Variants in ZMPSTE24 observed in about 807,000 individuals in gnomAD.
The protein encoded by ZMPSTE24 is CAAX prenyl protease 1 homolog.
In ZMPSTE24, 48 loss-of-function variants were observed where a neutral mutation model predicts 56.7. That is an observed-to-expected ratio of 0.85 (90% CI 0.67 to 1.08). The LOEUF (loss-of-function observed/expected upper bound fraction) is 1.08, where lower values mean the gene tolerates loss of function less well. ZMPSTE24 is among the 50% of genes least tolerant of loss of function. The pLI is 0.00. For synonymous variants in ZMPSTE24, 172 were observed against 195.2 expected, an observed-to-expected ratio of 0.88 and a Z score of 0.99; for missense variants, 503 against 548.7, an observed-to-expected ratio of 0.92 and a Z score of 0.83.
chr1:40,260,778 C>T, intron 1 of ZMPSTE24, 61 bp from the exon 2 acceptor site: 1 of 1,554,164 alleles, frequency 6.4e-7, no homozygotes, highest in Non-Finnish European at 8.8e-7. Context: ...GATGTTTGAT[C>T]ATAAATGACT....
At chr1:40,276,026 C>T (rs1402462382) in intron 6 of ZMPSTE24, among the ~76,000 whole-genome samples, 1 of 152,124 alleles carries the variant, frequency 6.6e-6, no homozygotes, top group Non-Finnish European at 1.5e-5. Context: ...TTGACTAAGC[C>T]AGGGCATGGG....
At chr1:40,289,221 T>C (rs373529562) in intron 8 of ZMPSTE24, among the ~76,000 whole-genome samples, 2 of 152,250 alleles carry the variant, frequency 1.3e-5, no homozygotes, top group African/African-American at 2.4e-5. Flanking sequence ...TCCACTCTTA[T>C]ATCTACCACT....
intron 2 of ZMPSTE24, 54 bp downstream of exon 2, chr1:40,261,039 A>G: frequency 6.2e-7 from 1 of 1,606,016 alleles, no homozygotes; most frequent in Non-Finnish European, 8.5e-7. Context: ...TCATTTTCAT[A>G]TTTTTGTAAC....
intron 6 of ZMPSTE24, among the ~76,000 whole-genome samples, chr1:40,274,584 G>C (rs1186662300): frequency 1.3e-5 from 2 of 152,190 alleles, no homozygotes; most frequent in African/African-American, 2.4e-5. Context: ...AGAGTGTTAG[G>C]AGATGAAATC....
intron 7 of ZMPSTE24, among the ~76,000 whole-genome samples, chr1:40,282,466 C>T (rs1309394748): frequency 6.6e-6 from 1 of 152,106 alleles, no homozygotes; most frequent in East Asian, 1.9e-4. Context: ...TGTTCACTCA[C>T]TGTCTGTGTA....
chr1:40,291,121 T>C (rs1369409085), intron 9 of ZMPSTE24, 124 bp downstream of exon 9: 16 of 1,300,004 alleles, frequency 1.2e-5, no homozygotes, highest in Non-Finnish European at 1.4e-5. Context: ...ACAAAGTCTT[T>C]TAGTCCCCTG....
chr1:40,262,849 G>T, intron 2 of ZMPSTE24: 3 of 1,145,454 alleles, frequency 2.6e-6, no homozygotes, highest in South Asian at 3.4e-5. Context: ...GAGAATTGTT[G>T]AACAACTTAA....
At chr1:40,272,176 C>T in intron 6 of ZMPSTE24, 141 bp downstream of exon 6, 6 of 988,246 alleles carry the variant, frequency 6.1e-6, no homozygotes, top group South Asian at 2.4e-5. Flanking sequence ...TAGGAGTTTA[C>T]CTTTTGGCTT....
At position 40,258,379 on chromosome 1, in the gene ZMPSTE24, C is replaced by T. The variant is rs777547225; in HGVS notation, c.108C>T (p.Phe36=). The T allele has an allele frequency of 1.2e-6, 2 of 1,614,086 alleles. No homozygotes were observed. The highest frequency in any genetic ancestry group is 1.7e-6 in the Non-Finnish European group (2 of 1,180,004). The change falls in exon 1 of 10, where the codon TTC becomes TTT. Residue 36 remains phenylalanine (F), a synonymous_variant. Transcript: ENST00000372759. ...GGACAGTGTATCTTTGGGAGACCTT[C>T]CTAGCACAGCGGCAGGTGAGCCTAG... ...FSWTVYLWET[F]LAQRQRRIYK...
At chr1:40,261,233 G>A (rs1643493788) in intron 2 of ZMPSTE24, among the ~76,000 whole-genome samples, 1 of 152,194 alleles carries the variant, frequency 6.6e-6, no homozygotes, top group Non-Finnish European at 1.5e-5. Flanking sequence ...GGATCCAGCT[G>A]AGATGTCATG....
chr1:40,266,485 T>C (rs1643549214), intron 2 of ZMPSTE24, among the ~76,000 whole-genome samples: 1 of 152,206 alleles, frequency 6.6e-6, no homozygotes, highest in African/African-American at 2.4e-5. Flanking sequence ...ATGTCTGTGT[T>C]CACTTTATCT....
At chr1:40,285,743 G>A (rs1643780720) in intron 7 of ZMPSTE24, among the ~76,000 whole-genome samples, 182 bp from the exon 8 acceptor site, 1 of 151,730 alleles carries the variant, frequency 6.6e-6, no homozygotes, top group Admixed American at 6.6e-5. Flanking sequence ...TCTATCTTCA[G>A]TGCTTAACCC....
In ZMPSTE24 at chr1:40,290,852, A is replaced by G. The variant is rs750636527; in HGVS notation, c.1060-2A>G. On this transcript the variant is annotated splice_acceptor_variant, in intron 8 of 9. Transcript: ENST00000372759. LOFTEE classifies it high-confidence loss of function. ...TTAGAAATTTCATGTCCTTCTTTCT[A>G]GATGAATTCTTTCCTGTGTTTTTTT... 1.2e-6 allele frequency: 2 copies of G among 1,613,802 alleles called. No individual in the cohort carries two copies. Among genetic ancestry groups the G allele is most frequent in the Non-Finnish European group, 1.7e-6 (2 of 1,179,818 alleles).
chr1:40,281,426 G>T lies in ZMPSTE24; in HGVS notation c.853G>T (p.Glu285Ter), dbSNP rs1254492995. The T allele has an allele frequency of 6.2e-7, 1 of 1,614,050 alleles. No homozygotes were observed. The highest frequency in any genetic ancestry group is 1.3e-5 in the African/African-American group (1 of 75,014). Residue 285 changes from glutamate (E) to a stop codon, truncating the protein, a stop_gained, in exon 7 of 10, where the codon GAA (glutamate) becomes TAA (stop). Coordinates refer to ENST00000372759, the MANE Select transcript of ZMPSTE24 (RefSeq NM_005857.5). LOFTEE classifies it high-confidence loss of function. ...KRIVLFDTLLEEYSVLNKDIQ... is the reference protein window; with the variant it reads ...KRIVLFDTLL ...AATAGTTTTGTTTGACACTCTACTA[G>T]AAGAGTACTCTGTACTAAACAAAGA... is the stretch of plus-strand genomic sequence containing the variant.
intron 2 of ZMPSTE24, among the ~76,000 whole-genome samples, chr1:40,261,955 T>C (rs1293582186): frequency 6.6e-6 from 1 of 152,186 alleles, no homozygotes; most frequent in Non-Finnish European, 1.5e-5. Flanking sequence ...GTGATCTGCC[T>C]GCCTTGGCCT....
At chr1:40,283,540 T>C (rs530160295) in intron 7 of ZMPSTE24, among the ~76,000 whole-genome samples, 2 of 151,500 alleles carry the variant, frequency 1.3e-5, no homozygotes, top group African/African-American at 4.8e-5. Context: ...TTTTGTTACT[T>C]TTTTTGTTTT....
intron 2 of ZMPSTE24, among the ~76,000 whole-genome samples, chr1:40,266,454 A>G (rs71648509): frequency 1.6e-4 from 24 of 152,308 alleles, no homozygotes; most frequent in Non-Finnish European, 2.9e-4. Flanking sequence ...CCTAGCTCCT[A>G]ATGTCCTGGT....
intron 5 of ZMPSTE24, among the ~76,000 whole-genome samples, chr1:40,270,724 C>T (rs1337700085): frequency 2.0e-5 from 3 of 152,130 alleles, no homozygotes; most frequent in African/African-American, 4.8e-5. Flanking sequence ...TTCCCTCTCA[C>T]TCTTTTCCCC....
Position 40,273,522 on chromosome 1 carries a change from A to C in ZMPSTE24, c.769+1487A>C, listed in dbSNP as rs1243939276. On this transcript the variant is annotated intron_variant, in intron 6 of 9. Coordinates refer to ENST00000372759, the MANE Select transcript of ZMPSTE24 (RefSeq NM_005857.5). ...ACAAGAGCCAAATTCTGTCTAAAAAAAAAAAAAAAAAAAAAATATATATAT... is the reference window on the plus strand; with the variant it reads ...ACAAGAGCCAAATTCTGTCTAAAAACAAAAAAAAAAAAAAAATATATATAT... Among the ~76,000 whole-genome samples the C allele has an allele frequency of 1.0e-4, 7 of 67,418 alleles. 1 individual carries two copies. In the East Asian group the frequency reaches 1.8e-3, roughly 17 times the overall value. The allele number at this position is 67,418 out of a possible 152,430, so 44.2% of individuals were successfully genotyped here.
Sources: gnomAD v4.1 joint callset for allele counts (sites outside exome capture counted in the v4.1 genomes callset) on GRCh38, gnomAD v4.1.1 for gene constraint, MANE v1.5 for transcripts, NCBI Gene and HGNC (gene_info 2026-07-23, HGNC 2026-07-21) for gene names.